TAFA1: variants seen among roughly 807,000 people sequenced by gnomAD.
TAFA1 encodes the protein TAFA chemokine like family member 1, also known as chemokine-like protein TAFA-1.
Under a neutral mutation model 18.5 loss-of-function variants are expected in TAFA1, and 4 were observed. The observed-to-expected ratio is 0.22, with a 90% confidence interval of 0.11 to 0.49. TAFA1 has a LOEUF of 0.49. Among genes scored for constraint, TAFA1 ranks in the 20% least tolerant of loss-of-function variants. The probability of loss-of-function intolerance (pLI) is 0.98; values close to 1 mark genes in which losing one functional copy is unlikely to be tolerated. For missense variants in TAFA1, 147 were observed against 169.0 expected, an observed-to-expected ratio of 0.87 and a Z score of 0.72; for synonymous variants, 56 against 55.2, an observed-to-expected ratio of 1.01 and a Z score of -0.06.
At chr3:68,495,161 T>C (rs537134429) in intron 3 of TAFA1, among the ~76,000 whole-genome samples, 4 of 152,330 alleles carry the variant, frequency 2.6e-5, no homozygotes, top group African/African-American at 9.6e-5. Context: ...TTCTAGTTCA[T>C]CTGAGCACTT....
At position 68,343,373 on chromosome 3, in the gene TAFA1, G is replaced by A. The variant is rs536659598; in HGVS notation, c.119-73907G>A. On this transcript the variant is annotated intron_variant, in intron 2 of 4. Transcript: ENST00000478136. ...TACATTTTTAAAAAGAGAATAATAT[G>A]TGATTCTTATGTACACTAAAGTTTG... is the stretch of plus-strand genomic sequence containing the variant. 1.6e-4 allele frequency among the ~76,000 whole-genome samples: 24 copies of A among 152,294 alleles called. No homozygotes were observed. The East Asian group carries it at 4.6e-3, about 29-fold the overall frequency.
chr3:68,122,691 C>T (rs2065415673), intron 2 of TAFA1, among the ~76,000 whole-genome samples: 1 of 152,046 alleles, frequency 6.6e-6, no homozygotes, highest in Admixed American at 6.5e-5. Context: ...AAGCAAGTTG[C>T]TTATAATCCC....
chr3:68,004,982 G>C (rs372921682), intron 1 of TAFA1, among the ~76,000 whole-genome samples: 1 of 151,970 alleles, frequency 6.6e-6, no homozygotes, highest in Non-Finnish European at 1.5e-5. Context: ...GAAGAAATGA[G>C]CAAGAGAAAG....
rs566823304 is a variant in TAFA1, at chr3:68,191,869, G to A, written c.118+185125G>A. Among the ~76,000 whole-genome samples the A allele has an allele frequency of 2.6e-5, 4 of 151,890 alleles. No homozygotes were observed. The South Asian group carries it at 8.3e-4, about 32-fold the overall frequency. On this transcript the variant is annotated intron_variant, in intron 2 of 4. Transcript: ENST00000478136. ...TTATTATCTAAGACGTGATTTGGTG[G>A]TGTTTTCGTAAACTCTTCAATGTCA...
chr3:67,993,411 TC>T, the TAFA1 span, among the ~76,000 whole-genome samples: 1 of 152,144 alleles, frequency 6.6e-6, no homozygotes, highest in East Asian at 1.9e-4. Flanking sequence ...ATATGGATAC[TC>T]CCCAGTTGGC....
intron 2 of TAFA1, among the ~76,000 whole-genome samples, chr3:68,229,979 A>C (rs1425965201): frequency 6.6e-6 from 1 of 151,930 alleles, no homozygotes. Flanking sequence ...TTTATTTTTT[A>C]CTTTTATGGA....
intron 2 of TAFA1, among the ~76,000 whole-genome samples, chr3:68,244,324 C>A (rs530652619): frequency 1.3e-5 from 2 of 152,194 alleles, no homozygotes; most frequent in Admixed American, 6.5e-5. Flanking sequence ...TCTAAGGACT[C>A]TTTGCCAAGT....
intron 2 of TAFA1, among the ~76,000 whole-genome samples, chr3:68,214,141 G>A (rs983006478): frequency 6.6e-6 from 1 of 152,076 alleles, no homozygotes; most frequent in Non-Finnish European, 1.5e-5. Flanking sequence ...GAATGGATCA[G>A]CTGGGATATT....
chr3:68,498,722 C>CTTT lies in TAFA1; in HGVS notation c.260-40001_260-39999dup, dbSNP rs34030223. 6.4e-4 allele frequency among the ~76,000 whole-genome samples: 62 copies of CTTT among 97,004 alleles called. 2 individuals carry two copies. Among genetic ancestry groups the CTTT allele is most frequent in the African/African-American group, 1.7e-3 (35 of 20,880 alleles). 63.6% of individuals were successfully genotyped at this position (97,004 alleles called of 152,430 possible). A position where few individuals can be genotyped will look rare whatever the true frequency, so the allele number is the denominator to read the frequency against. On this transcript the variant is annotated intron_variant, in intron 3 of 4. Coordinates refer to ENST00000478136, the MANE Select transcript of TAFA1 (RefSeq NM_213609.4). Reference sequence around the variant, plus strand: ...AATTCCTCCCAAAGCCGTTTGGTGGCTTTTTTTTTTTTTTTTTTTTTTTTT... The same window carrying CTTT: ...AATTCCTCCCAAAGCCGTTTGGTGGCTTTTTTTTTTTTTTTTTTTTTTTTTTTT...
chr3:68,100,239 C>T (rs1575615994), intron 2 of TAFA1, among the ~76,000 whole-genome samples: 1 of 152,152 alleles, frequency 6.6e-6, no homozygotes, highest in Non-Finnish European at 1.5e-5. Context: ...AATCCCAGCA[C>T]TTAGGGAGGC....
intron 2 of TAFA1, among the ~76,000 whole-genome samples, chr3:68,416,309 G>T (rs1485579961): frequency 1.3e-5 from 2 of 152,134 alleles, no homozygotes; most frequent in Non-Finnish European, 1.5e-5. Context: ...TACAGGAGAT[G>T]TATTCTCATC....
intron 3 of TAFA1, among the ~76,000 whole-genome samples, chr3:68,427,827 TGTGATAGTGAATAAGTCTCATGAGATC>T: frequency 6.6e-6 from 1 of 151,984 alleles, no homozygotes; most frequent in South Asian, 2.1e-4. Context: ...ATGCTGTTCT[TGTGATAGTGAATAAGTCTCATGAGATC>T]TGATGGTTTT....
At chr3:68,078,533 T>G (rs1274622681) in intron 2 of TAFA1, among the ~76,000 whole-genome samples, 3 of 152,180 alleles carry the variant, frequency 2.0e-5, no homozygotes, top group Non-Finnish European at 4.4e-5. Context: ...GTTGTTGAAT[T>G]TTGTCAGAGG....
intron 2 of TAFA1, among the ~76,000 whole-genome samples, chr3:68,354,403 C>T (rs143750159): frequency 1.4e-3 from 208 of 152,062 alleles, no homozygotes; most frequent in African/African-American, 4.6e-3. Context: ...TGCTACTGCT[C>T]TTTTAGGCAT....
chr3:68,498,143 G>C (rs991740418), intron 3 of TAFA1, among the ~76,000 whole-genome samples: 1 of 152,184 alleles, frequency 6.6e-6, no homozygotes, highest in African/African-American at 2.4e-5. Flanking sequence ...ACTGGTTGTT[G>C]TATAACCTTT....
intron 4 of TAFA1, among the ~76,000 whole-genome samples, chr3:68,539,210 C>T (rs930546813): frequency 2.6e-5 from 4 of 152,192 alleles, no homozygotes; most frequent in Non-Finnish European, 1.5e-5. Context: ...AATGAACTTC[C>T]TCCCTAATTC....
chr3:68,445,725 G>A (rs968278310), intron 3 of TAFA1, among the ~76,000 whole-genome samples: 1 of 152,114 alleles, frequency 6.6e-6, no homozygotes, highest in African/African-American at 2.4e-5. Flanking sequence ...CATCTTCAAA[G>A]TTTCTTCAGA....
intron 3 of TAFA1, among the ~76,000 whole-genome samples, chr3:68,468,021 TGATGTC>T (rs1380528482): frequency 6.6e-6 from 1 of 152,224 alleles, no homozygotes. Flanking sequence ...TACTTTACTG[TGATGTC>T]AAGATATGAT....
chr3:68,347,115 C>T (rs1283730949), intron 2 of TAFA1, among the ~76,000 whole-genome samples: 1 of 152,142 alleles, frequency 6.6e-6, no homozygotes, highest in Non-Finnish European at 1.5e-5. Flanking sequence ...CGTTATTATA[C>T]ATCATTTTCA....
Sources: allele counts gnomAD v4.1 joint callset (sites outside exome capture counted in the v4.1 genomes callset), GRCh38; gene constraint gnomAD v4.1.1; transcripts MANE v1.5; gene names NCBI Gene and HGNC (gene_info 2026-07-23, HGNC 2026-07-21).